Variants in AMTN observed in about 807,000 individuals in gnomAD.
AMTN encodes RSTI689.
A neutral mutation model predicts 27.4 loss-of-function variants in AMTN; 29 were observed. The observed-to-expected ratio is 1.06, with a 90% confidence interval of 0.79 to 1.44. The LOEUF (loss-of-function observed/expected upper bound fraction) is 1.44. Among genes scored for constraint, AMTN ranks in the 40% most tolerant of loss-of-function variants. AMTN has a pLI of 0.00. For synonymous variants in AMTN, 86 were observed against 95.7 expected, an observed-to-expected ratio of 0.90 and a Z score of 0.59; for missense variants, 247 against 248.8, an observed-to-expected ratio of 0.99 and a Z score of 0.05.
intron 2 of AMTN, among the ~76,000 whole-genome samples, chr4:70,521,014 G>A (rs1008207943): frequency 1.3e-5 from 2 of 152,146 alleles, no homozygotes; most frequent in African/African-American, 4.8e-5. Flanking sequence ...AGGTAGGAAA[G>A]ATCAGAGAGC....
In AMTN at chr4:70,521,640, C is replaced by CTTTTTTTTTTTTTTTTTTTT. The variant is rs763143860; in HGVS notation, c.55-1098_55-1079dup. On this transcript the variant is annotated intron_variant, in intron 2 of 8. Coordinates refer to ENST00000339336, the MANE Select transcript of AMTN (RefSeq NM_212557.4). ...CCTAGAACAGATAATACCAACCTCT[C>CTTTTTTTTTTTTTTTTTTTT]TTTTTTTTTTTTTTTTTTTTTTTTT... Among the ~76,000 whole-genome samples the CTTTTTTTTTTTTTTTTTTTT allele has an allele frequency of 2.5e-4, 19 of 76,488 alleles. 5 individuals are homozygous for CTTTTTTTTTTTTTTTTTTTT. The highest frequency in any genetic ancestry group is 1.1e-3 in the East Asian group (2 of 1,884). 50.2% of individuals were successfully genotyped at this position (76,488 alleles called of 152,430 possible).
chr4:70,523,756 A>G, intron 3 of AMTN, 112 bp from the exon 4 acceptor site: 2 of 915,958 alleles, frequency 2.2e-6, no homozygotes, highest in East Asian at 2.4e-5. Context: ...ATTTACCTTC[A>G]TGGTAAACCC....
At chr4:70,521,371 C>T (rs1462813926) in intron 2 of AMTN, among the ~76,000 whole-genome samples, 1 of 95,884 alleles carries the variant, frequency 1.0e-5, no homozygotes, top group Non-Finnish European at 2.1e-5. Context: ...CAGAACAAGA[C>T]TCCACTTAAA....
At chr4:70,518,899 C>A in intron 2 of AMTN, 68 bp downstream of exon 2, 1 of 1,241,484 alleles carries the variant, frequency 8.1e-7, no homozygotes, top group Non-Finnish European at 1.2e-6. Flanking sequence ...AGACCTACCT[C>A]TCTCCTGCCC....
intron 2 of AMTN, among the ~76,000 whole-genome samples, 167 bp from the exon 3 acceptor site, chr4:70,522,588 T>C (rs758963135): frequency 1.5e-4 from 23 of 152,098 alleles, no homozygotes; most frequent in Non-Finnish European, 3.1e-4. Flanking sequence ...ATTTTTCCAC[T>C]CTACATGTCC....
chr4:70,523,576 C>A (rs1310494747), intron 3 of AMTN, among the ~76,000 whole-genome samples: 4 of 151,938 alleles, frequency 2.6e-5, no homozygotes, highest in Non-Finnish European at 5.9e-5. Flanking sequence ...ATACAAAATT[C>A]GATATGTAAA....
At chr4:70,528,414 G>A (rs1482120891) in intron 5 of AMTN, among the ~76,000 whole-genome samples, 1 of 152,202 alleles carries the variant, frequency 6.6e-6, no homozygotes, top group Non-Finnish European at 1.5e-5. Context: ...GCTTTGGAAG[G>A]CTGAGGCAGG....
chr4:70,528,554 G>A (rs1452894022), intron 5 of AMTN, among the ~76,000 whole-genome samples, 169 bp from the exon 6 acceptor site: 1 of 152,162 alleles, frequency 6.6e-6, no homozygotes, highest in Non-Finnish European at 1.5e-5. Flanking sequence ...GGAGGCTGAG[G>A]CAGGAGAATC....
intron 8 of AMTN, among the ~76,000 whole-genome samples, chr4:70,531,793 T>C (rs749046610): frequency 6.6e-6 from 1 of 152,064 alleles, no homozygotes; most frequent in Non-Finnish European, 1.5e-5. Context: ...ATTACAGGAG[T>C]GCGCCACCGC....
chr4:70,518,902 T>A (rs1295040372), intron 2 of AMTN, 71 bp downstream of exon 2: 1 of 1,232,898 alleles, frequency 8.1e-7, no homozygotes, highest in Non-Finnish European at 1.2e-6. Flanking sequence ...CCTACCTCTC[T>A]CCTGCCCTCC....
chr4:70,529,092 A>C (rs1736158738), intron 6 of AMTN, 92 bp from the exon 7 acceptor site: 15 of 1,146,420 alleles, frequency 1.3e-5, no homozygotes, highest in Non-Finnish European at 1.7e-5. Flanking sequence ...TAATCTTTGA[A>C]AGTATTTTAA....
chr4:70,525,940 AC>A (rs1370713361), intron 5 of AMTN, among the ~76,000 whole-genome samples: 1 of 152,132 alleles, frequency 6.6e-6, no homozygotes, highest in East Asian at 1.9e-4. Flanking sequence ...GGAGGAAAAT[AC>A]AATAATCCTT....
chr4:70,519,542 G>A (rs1178915924), intron 2 of AMTN, among the ~76,000 whole-genome samples: 1 of 152,002 alleles, frequency 6.6e-6, no homozygotes, highest in African/African-American at 2.4e-5. Flanking sequence ...TGGGCCTCAA[G>A]CTTACTCAAT....
At chr4:70,522,860 A>G in intron 3 of AMTN, 22 bp downstream of exon 3, 1 of 1,603,860 alleles carries the variant, frequency 6.2e-7, no homozygotes, top group Non-Finnish European at 8.5e-7. Flanking sequence ...ACAATATGGA[A>G]CATGTACAAA....
Position 70,518,665 on chromosome 4 carries a change from T to C in AMTN, c.-16+11T>C, listed in dbSNP as rs1317311349. 2.4e-6 allele frequency: 2 copies of C among 842,348 alleles called. No individual in the cohort carries two copies. The highest frequency in any genetic ancestry group is 1.7e-5 in the African/African-American group (1 of 58,998). The allele number at this position is 842,348 out of a possible 1,614,324, so 52.2% of individuals were successfully genotyped here. ...CTCGTGGACCCAAAGGTAACATTAA[T>C]TGACCATGTTTCAAGTAGAACTTTT... On this transcript the variant is annotated intron_variant, in intron 1 of 8. Coordinates refer to ENST00000339336, the MANE Select transcript of AMTN (RefSeq NM_212557.4).
intron 5 of AMTN, among the ~76,000 whole-genome samples, chr4:70,525,635 G>A (rs1263411102): frequency 1.3e-5 from 2 of 152,052 alleles, no homozygotes; most frequent in African/African-American, 4.8e-5. Flanking sequence ...AGTGGCCCAC[G>A]CTGTAATCCC....
At chr4:70,519,390 A>G (rs1735897935) in intron 2 of AMTN, among the ~76,000 whole-genome samples, 1 of 152,204 alleles carries the variant, frequency 6.6e-6, no homozygotes, top group Non-Finnish European at 1.5e-5. Flanking sequence ...CATTTACTCC[A>G]TTATTTTGTA....
At chr4:70,532,240 C>T (rs3864160) in intron 8 of AMTN, among the ~76,000 whole-genome samples, 88,676 of 151,858 alleles carry the variant, frequency 0.58, 26,272 homozygotes, top group Admixed American at 0.61. Flanking sequence ...TAGATGGAAC[C>T]TAAGAAATGT....
At chr4:70,529,322 G>T (rs2109774607) in intron 7 of AMTN, 112 bp downstream of exon 7, 1 of 669,440 alleles carries the variant, frequency 1.5e-6, no homozygotes, top group South Asian at 4.5e-5. Flanking sequence ...GTACTACAAT[G>T]AACTGAACAT....
Sources: allele counts gnomAD v4.1 joint callset (sites outside exome capture counted in the v4.1 genomes callset), GRCh38; gene constraint gnomAD v4.1.1; transcripts MANE v1.5; gene names NCBI Gene and HGNC (gene_info 2026-07-23, HGNC 2026-07-21).